The following MAP3K11 variants were observed in gnomAD, a reference collection of about 807,000 sequenced individuals.
MAP3K11 encodes mitogen-activated protein kinase kinase kinase 11.
Under a neutral mutation model 84.9 loss-of-function variants are expected in MAP3K11, and 46 were observed. The observed-to-expected ratio is 0.54, with a 90% CI of 0.43 to 0.69. MAP3K11 has a LOEUF of 0.69. Among genes scored for constraint, MAP3K11 ranks in the 30% least tolerant of loss-of-function variants. The pLI, the probability that MAP3K11 is intolerant of heterozygous loss-of-function variation, is 0.00. For missense variants in MAP3K11, 1,053 were observed against 1,198.3 expected, an observed-to-expected ratio of 0.88 and a Z score of 1.79; for synonymous variants, 527 against 514.7, an observed-to-expected ratio of 1.02 and a Z score of -0.32.
rs765538121 is a variant in MAP3K11 at position 65,599,584 on chromosome 11, C to T, written c.2016G>A (p.Gly672=). 1.3e-6 allele frequency: 2 copies of T among 1,517,718 alleles called. No homozygotes were observed. Among genetic ancestry groups the T allele is most frequent in the Non-Finnish European group, 1.8e-6 (2 of 1,141,584 alleles). 94.0% of individuals were successfully genotyped at this position (1,517,718 alleles called of 1,614,324 possible). A position where few individuals can be genotyped will look rare whatever the true frequency, so the allele number is the denominator to read the frequency against. The change falls in exon 9 of 10, where the codon GGG becomes GGA. Residue 672 remains glycine (G), a synonymous_variant. Transcript: ENST00000309100. ...QPPGGPGRER[G]ESPTTPPTPT... is the part of the protein sequence containing the mutation. ...GCGTGGGGGGTGTTGTCGGGGACTCCCCGCGCTCGCGTCCTGGGCCTCCCG... is the reference window on the plus strand; with the variant it reads ...GCGTGGGGGGTGTTGTCGGGGACTCTCCGCGCTCGCGTCCTGGGCCTCCCG...
At chr11:65,607,073 A>C (rs1345376543) in intron 5 of MAP3K11, 197 bp downstream of exon 5, 18 of 821,676 alleles carry the variant, frequency 2.2e-5, no homozygotes, top group Admixed American at 7.7e-5. Flanking sequence ...CCACTCCCAG[A>C]CCGACATGCA....
At chr11:65,604,959 C>G (rs771573042) in intron 8 of MAP3K11, among the ~76,000 whole-genome samples, 1 of 152,132 alleles carries the variant, frequency 6.6e-6, no homozygotes, top group Admixed American at 6.5e-5. Flanking sequence ...GGAGCCCTGC[C>G]TTCTGCCTGA....
rs1370442501 is a variant in MAP3K11 at position 65,613,815 on chromosome 11, C to G, written c.-59G>C. The stretch of plus-strand genomic sequence containing the variant: ...CTTCTCTGGGTGCCCGTGGTCCCCA[C>G]CCCCGCTGGCTGCCAAGGCCCTAGT... On this transcript the variant is annotated 5_prime_UTR_variant, in exon 1 of 10. Transcript: ENST00000309100. The G allele has an allele frequency of 2.1e-6, 3 of 1,460,426 alleles. No homozygotes were observed. Among genetic ancestry groups the G allele is most frequent in the East Asian group, 4.8e-5 (2 of 41,316 alleles). 90.5% of individuals were successfully genotyped at this position (1,460,426 alleles called of 1,614,324 possible). A position where few individuals can be genotyped will look rare whatever the true frequency, so the allele number is the denominator to read the frequency against.
intron 3 of MAP3K11, 50 bp downstream of exon 3, chr11:65,607,872 G>A: frequency 6.2e-7 from 1 of 1,608,372 alleles, no homozygotes; most frequent in Non-Finnish European, 8.5e-7. Context: ...GGGTGGATGT[G>A]TCCTGGGCCA....
intron 8 of MAP3K11, among the ~76,000 whole-genome samples, chr11:65,605,084 G>A (rs1334773780): frequency 1.3e-5 from 2 of 152,172 alleles, no homozygotes; most frequent in African/African-American, 2.4e-5. Flanking sequence ...ATCCTCAGCT[G>A]GGGGTTTGAG....
chr11:65,613,466 G>C lies in MAP3K11; in HGVS notation c.291C>G (p.Ser97=). The change falls in exon 1 of 10, where the codon TCC becomes TCG. Residue 97 remains serine, a synonymous_variant. Transcript: ENST00000309100. Reference sequence around the variant, plus strand: ...GGCCGCCACCCCGAGACACATAGTTGGACGGGAAGATGCCCACCTGGCCAC... The same window carrying C: ...GGCCGCCACCCCGAGACACATAGTTCGACGGGAAGATGCCCACCTGGCCAC... ...QVGGQVGIFP[S]NYVSRGGGPP... 1 of 1,612,166 alleles carries C rather than the reference G, an allele frequency of 6.2e-7. No individual in the cohort carries two copies. The highest frequency in any genetic ancestry group is 8.5e-7 in the Non-Finnish European group (1 of 1,179,384).
At chr11:65,607,089 T>C in intron 5 of MAP3K11, 181 bp downstream of exon 5, 1 of 899,710 alleles carries the variant, frequency 1.1e-6, no homozygotes. Context: ...ATGCAAATAC[T>C]TCCGCCAGAA....
chr11:65,607,722 C>T lies in MAP3K11; in HGVS notation c.1164G>A (p.Pro388=). 1.9e-6 allele frequency: 3 copies of T among 1,613,926 alleles called. No individual in the cohort carries two copies. Among genetic ancestry groups the T allele is most frequent in the Non-Finnish European group, 2.5e-6 (3 of 1,179,920 alleles). ...CCTGCATGGAATGGAAGGAGTCCCG[C>T]GGCATTTCCCGTAGGACCTGTGCCT... ...ALEAQVLREM[P]RDSFHSMQEG... Residue 388 remains proline, a synonymous_variant, in exon 4 of 10, where the codon CCG becomes CCA. Coordinates refer to ENST00000309100, the MANE Select transcript of MAP3K11 (RefSeq NM_002419.4).
In MAP3K11 at chr11:65,613,281, T is replaced by A. The variant is rs1854599641; in HGVS notation, c.476A>T (p.Glu159Val). Residue 159 changes from glutamate (E) to valine (V), a missense_variant, in exon 1 of 10, where the codon GAG becomes GTG. Glu to Val is a moderately radical substitution (Grantham distance 121, BLOSUM62 -2). This residue lies in a region of MAP3K11 where 310 missense variants were observed against 464.5 expected (regional missense o/e 0.67). Coordinates refer to ENST00000309100, the MANE Select transcript of MAP3K11 (RefSeq NM_002419.4). ...DPDEDISVTA[E>V]SVRQEARLFA... Reference sequence around the variant, plus strand: ...GAGCCGGGCCTCCTGGCGAACGCTCTCGGCTGTCACACTGATGTCCTCATC... The same window carrying A: ...GAGCCGGGCCTCCTGGCGAACGCTCACGGCTGTCACACTGATGTCCTCATC... 3.1e-6 allele frequency: 5 copies of A among 1,612,750 alleles called. No homozygotes were observed. In the Middle Eastern group the frequency reaches 6.6e-4, roughly 212 times the overall value.
At position 65,607,308 on chromosome 11, in the gene MAP3K11, C is replaced by T. The variant is rs1412829529; in HGVS notation, c.1451G>A (p.Arg484Gln). 2.0e-6 allele frequency: 3 copies of T among 1,523,052 alleles called. No individual in the cohort carries two copies. The highest frequency in any genetic ancestry group is 2.0e-5 in the Admixed American group (1 of 48,966). The allele number at this position is 1,523,052 out of a possible 1,614,324, so 94.3% of individuals were successfully genotyped here. A position where few individuals can be genotyped will look rare whatever the true frequency, so the allele number is the denominator to read the frequency against. Reference sequence around the variant, plus strand: ...GATACGCTCGCCGCCGTCGCGCGCCCGGAGCTTGCTGCGCTTGAATGTCCC... The same window carrying T: ...GATACGCTCGCCGCCGTCGCGCGCCTGGAGCTTGCTGCGCTTGAATGTCCC... ...RRGTFKRSKL[R>Q]ARDGGERISM... The change falls in exon 5 of 10, where the codon CGG becomes CAG. Residue 484 changes from arginine (R) to glutamine (Q), a missense_variant. By Grantham distance (43) the Arg-to-Gln change is conservative. Coordinates refer to ENST00000309100, the MANE Select transcript of MAP3K11 (RefSeq NM_002419.4).
chr11:65,612,594 G>GAT (rs1854582862), intron 1 of MAP3K11: 1 of 162,626 alleles, frequency 6.1e-6, no homozygotes, highest in Non-Finnish European at 1.3e-5. Context: ...CCCTCTCTGA[G>GAT]ATATCTGTTC....
intron 1 of MAP3K11, chr11:65,610,133 T>G (rs549028820): frequency 6.5e-6 from 1 of 152,700 alleles, no homozygotes; most frequent in Non-Finnish European, 1.5e-5. Flanking sequence ...CTTCCACATT[T>G]GCAACTCCAG....
At chr11:65,610,495 T>C (rs1854560510) in intron 1 of MAP3K11, 2 of 152,306 alleles carry the variant, frequency 1.3e-5, no homozygotes. Flanking sequence ...CACTCCTTAC[T>C]GCCAACTTCA....
Position 65,613,061 on chromosome 11 carries a change from C to A in MAP3K11, c.696G>T (p.Glu232Asp). ...IARGMHYLHC[E>D]ALVPVIHRDL... is the part of the protein sequence containing the mutation. The stretch of plus-strand genomic sequence containing the variant: ...CACGGTGGATGACGGGCACCAGGGC[C>A]TCGCAGTGCAGGTAGTGCATCCCAC... Residue 232 changes from glutamate (E) to aspartate (D), a missense_variant, in exon 1 of 10, where the codon GAG becomes GAT. By Grantham distance (45) the Glu-to-Asp change is conservative. This residue lies in a region of MAP3K11 where 310 missense variants were observed against 464.5 expected (regional missense o/e 0.67). Coordinates refer to ENST00000309100, the MANE Select transcript of MAP3K11 (RefSeq NM_002419.4). 6.6e-7 allele frequency: 1 copy of A among 1,523,510 alleles called. No homozygotes were observed. The highest frequency in any genetic ancestry group is 1.3e-5 in the South Asian group (1 of 76,502). 94.4% of individuals were successfully genotyped at this position (1,523,510 alleles called of 1,614,324 possible).
In MAP3K11 at chr11:65,598,541, C is replaced by T; in HGVS notation, c.2294G>A (p.Ser765Asn). Reference protein sequence around the residue: ...TPRSPPLGLISRPRPSPLRSR... With the variant: ...TPRSPPLGLINRPRPSPLRSR... ...GCGAAGGGGCGAGGGCCGAGGTCGG[C>T]TGATGAGGCCCAGGGGTGGTGAACG... Residue 765 changes from serine to asparagine, a missense_variant, in exon 10 of 10, where the codon AGC becomes AAC. Ser to Asn is a conservative substitution (Grantham distance 46). Coordinates refer to ENST00000309100, the MANE Select transcript of MAP3K11 (RefSeq NM_002419.4). 1.2e-6 allele frequency: 2 copies of T among 1,611,256 alleles called. No individual in the cohort carries two copies. The highest frequency in any genetic ancestry group is 1.7e-6 in the Non-Finnish European group (2 of 1,178,672).
chr11:65,607,053 C>G, intron 5 of MAP3K11: 1 of 741,324 alleles, frequency 1.3e-6, no homozygotes. Context: ...TTCGTGAACC[C>G]CACCCCTTCC....
At chr11:65,602,801 T>C (rs1407983123) in intron 8 of MAP3K11, among the ~76,000 whole-genome samples, 1 of 145,032 alleles carries the variant, frequency 6.9e-6, no homozygotes, top group East Asian at 2.1e-4. Flanking sequence ...CAAGACTCCT[T>C]CTAAAAAAAA....
intron 5 of MAP3K11, chr11:65,607,059 C>G: frequency 3.9e-6 from 3 of 771,386 alleles, no homozygotes; most frequent in Non-Finnish European, 5.8e-6. Flanking sequence ...AACCCCACCC[C>G]TTCCCACTCC....
In MAP3K11 at chr11:65,607,379, C is replaced by T. The variant is rs753404750; in HGVS notation, c.1380G>A (p.Leu460=). 2 of 1,495,712 alleles carry T rather than the reference C, an allele frequency of 1.3e-6. No individual in the cohort carries two copies. The highest frequency in any genetic ancestry group is 1.3e-5 in the South Asian group (1 of 79,450). 92.7% of individuals were successfully genotyped at this position (1,495,712 alleles called of 1,614,324 possible). A position where few individuals can be genotyped will look rare whatever the true frequency, so the allele number is the denominator to read the frequency against. ...GTCGCTCGCGGTCCACCTGCTGCAG[C>T]AGCAGCGTCAGCTCGCGCTCGAACA... ...LEVFERELTL[L]LQQVDRERPH... Residue 460 remains leucine, a synonymous_variant, in exon 5 of 10, where the codon CTG becomes CTA. Transcript: ENST00000309100.
Sources: gnomAD v4.1 joint callset for allele counts (sites outside exome capture counted in the v4.1 genomes callset) on GRCh38, gnomAD v4.1.1 for gene constraint, gnomAD v4.1.1 regional missense constraint, MANE v1.5 for transcripts, NCBI Gene and HGNC (gene_info 2026-07-23, HGNC 2026-07-21) for gene names.